RABGAP1: variants seen among roughly 807,000 people sequenced by gnomAD.
RABGAP1 encodes the protein rab GTPase-activating protein 1.
In RABGAP1, 23 loss-of-function variants were observed where a neutral mutation model predicts 137.6. The observed-to-expected ratio is 0.17, with a 90% confidence interval of 0.12 to 0.24. The LOEUF (loss-of-function observed/expected upper bound fraction) is 0.24. Ranked by LOEUF, RABGAP1 falls within the 10% of genes least tolerant of loss-of-function variation. RABGAP1 has a pLI of 1.00. For synonymous variants in RABGAP1, 451 were observed against 450.7 expected (o/e 1.00, Z -0.01); for missense variants, 906 against 1,275.8 (o/e 0.71, Z 4.42).
intron 13 of RABGAP1, among the ~76,000 whole-genome samples, chr9:123,028,337 G>T (rs1021261422): frequency 4.9e-4 from 74 of 152,188 alleles, no homozygotes; most frequent in African/African-American, 1.7e-3. Context: ...CTTGTTCACT[G>T]GTTTCAGGAA....
intron 2 of RABGAP1, among the ~76,000 whole-genome samples, chr9:122,967,974 C>T (rs986933013): frequency 3.3e-5 from 5 of 151,858 alleles, no homozygotes; most frequent in African/African-American, 9.7e-5. Context: ...GTGATCTACC[C>T]GCCTCGGCTT....
chr9:122,942,595 G>T (rs1362533338), intron 1 of RABGAP1, among the ~76,000 whole-genome samples: 2 of 143,678 alleles, frequency 1.4e-5, no homozygotes, highest in African/African-American at 4.9e-5. Flanking sequence ...GCTTGAACCC[G>T]GGAGGCAGAG....
intron 13 of RABGAP1, among the ~76,000 whole-genome samples, chr9:123,044,868 C>G (rs1050161292): frequency 6.6e-6 from 1 of 152,034 alleles, no homozygotes. Flanking sequence ...CCCCAGACCC[C>G]CTCCTTGAAT....
At position 123,096,474 on chromosome 9, in the gene RABGAP1, A is replaced by G. The variant is rs576264516; in HGVS notation, c.2629-1267A>G. Among the ~76,000 whole-genome samples, 107 of 152,370 alleles carry G rather than the reference A, an allele frequency of 7.0e-4. No individual in the cohort carries two copies. In the South Asian group the frequency reaches 0.021, roughly 30 times the overall value. On this transcript the variant is annotated intron_variant, in intron 21 of 25. Coordinates refer to ENST00000373647, the MANE Select transcript of RABGAP1 (RefSeq NM_012197.4). ...GGACAAAGAGGGACATTTCCTAATG[A>G]TAAAAGAGTCACGCAATTTAATTGC...
At chr9:122,980,669 T>C (rs1368298081) in intron 2 of RABGAP1, among the ~76,000 whole-genome samples, 1 of 152,248 alleles carries the variant, frequency 6.6e-6, no homozygotes, top group African/African-American at 2.4e-5. Flanking sequence ...CTAGCCTCTC[T>C]AGTGGAGATA....
intron 13 of RABGAP1, among the ~76,000 whole-genome samples, chr9:123,036,714 C>T (rs1053770413): frequency 6.6e-6 from 1 of 151,712 alleles, no homozygotes; most frequent in Non-Finnish European, 1.5e-5. Flanking sequence ...TCAGTTAGTG[C>T]TAAGGAATCC....
chr9:122,991,534 CTT>C (rs879372155), intron 6 of RABGAP1, among the ~76,000 whole-genome samples: 3 of 151,388 alleles, frequency 2.0e-5, no homozygotes, highest in Non-Finnish European at 2.9e-5. Flanking sequence ...GCAGCTTAAA[CTT>C]TGAGGAGTAA....
At chr9:123,035,008 C>G in intron 13 of RABGAP1, 1 of 1,613,604 alleles carries the variant, frequency 6.2e-7, no homozygotes, top group South Asian at 1.1e-5. Context: ...GAGACTACGC[C>G]TGTGTATTTT....
chr9:122,968,562 C>A (rs1016239233), intron 2 of RABGAP1, among the ~76,000 whole-genome samples: 1 of 151,936 alleles, frequency 6.6e-6, no homozygotes, highest in South Asian at 2.1e-4. Context: ...TCAATTAAAT[C>A]ATTTTTTACC....
intron 10 of RABGAP1, among the ~76,000 whole-genome samples, chr9:123,005,736 G>A (rs2030195114): frequency 6.6e-6 from 1 of 152,156 alleles, no homozygotes; most frequent in Admixed American, 6.6e-5. Flanking sequence ...TTATGTATGT[G>A]TTATTTTGAT....
chr9:122,966,059 A>T (rs1266931566), intron 2 of RABGAP1, among the ~76,000 whole-genome samples: 1 of 152,200 alleles, frequency 6.6e-6, no homozygotes, highest in Admixed American at 6.6e-5. Flanking sequence ...TGAGATGGGA[A>T]AGAGAAAGGT....
intron 2 of RABGAP1, among the ~76,000 whole-genome samples, chr9:122,981,978 G>A (rs1836086304): frequency 6.6e-6 from 1 of 151,916 alleles, no homozygotes; most frequent in Non-Finnish European, 1.5e-5. Context: ...GAACCTGGGA[G>A]GCAGAGGTTG....
At chr9:123,062,712 G>C (rs1031330640) in intron 13 of RABGAP1, 1 of 152,122 alleles carries the variant, frequency 6.6e-6, no homozygotes, top group African/African-American at 2.4e-5. Flanking sequence ...AACTGGCCCA[G>C]TTATAGAGAG....
intron 4 of RABGAP1, among the ~76,000 whole-genome samples, chr9:122,987,296 AAAAT>A (rs1836423663): frequency 1.3e-5 from 2 of 152,242 alleles, no homozygotes; most frequent in Admixed American, 1.3e-4. Flanking sequence ...GAATGCAGGT[AAAAT>A]AAATTTTTTT....
chr9:122,952,168 T>G (rs1781032464), intron 1 of RABGAP1, among the ~76,000 whole-genome samples: 1 of 152,244 alleles, frequency 6.6e-6, no homozygotes, highest in Non-Finnish European at 1.5e-5. Context: ...ACTTGACTTT[T>G]TTAAAAGAGA....
chr9:123,044,050 A>G (rs1239533045), intron 13 of RABGAP1, among the ~76,000 whole-genome samples: 1 of 151,418 alleles, frequency 6.6e-6, no homozygotes, highest in East Asian at 1.9e-4. Context: ...ACAGGCGCCC[A>G]CCACCATGCA....
intron 19 of RABGAP1, among the ~76,000 whole-genome samples, chr9:123,078,168 T>C (rs2034580961): frequency 6.6e-6 from 1 of 151,972 alleles, no homozygotes; most frequent in African/African-American, 2.4e-5. Context: ...CTCCCCTATC[T>C]GTTAAAGGAG....
intron 13 of RABGAP1, among the ~76,000 whole-genome samples, chr9:123,050,712 T>C (rs1434750432): frequency 1.3e-5 from 2 of 152,238 alleles, no homozygotes; most frequent in Admixed American, 1.3e-4. Flanking sequence ...ACAAATATAC[T>C]ATAATTCCTA....
At chr9:123,052,125 A>T (rs2033509223) in intron 13 of RABGAP1, among the ~76,000 whole-genome samples, 1 of 152,176 alleles carries the variant, frequency 6.6e-6, no homozygotes, top group Admixed American at 6.5e-5. Flanking sequence ...CATTTTAAAA[A>T]ATATATTAGA....
Sources: allele counts gnomAD v4.1 joint callset (sites outside exome capture counted in the v4.1 genomes callset), GRCh38; gene constraint gnomAD v4.1.1; transcripts MANE v1.5; gene names NCBI Gene and HGNC (gene_info 2026-07-23, HGNC 2026-07-21).